The following USP10 variants were observed in gnomAD, a reference collection of about 807,000 sequenced individuals.
USP10 encodes ubiquitin carboxyl-terminal hydrolase 10.
USP10 carries 22 observed loss-of-function variants against 84.5 expected under a neutral mutation model. The ratio of observed to expected loss-of-function variants is 0.26; its 90% CI spans 0.19 to 0.37. The LOEUF (loss-of-function observed/expected upper bound fraction) is 0.37. Ranked by LOEUF, USP10 falls within the 10% of genes least tolerant of loss-of-function variation. The pLI is 1.00. For missense variants in USP10, 1,019 were observed against 998.9 expected (o/e 1.02, Z -0.27); for synonymous variants, 454 against 387.6 (o/e 1.17, Z -2.01).
At chr16:84,716,728 C>T (rs1001923270) in intron 1 of USP10, among the ~76,000 whole-genome samples, 7 of 151,972 alleles carry the variant, frequency 4.6e-5, no homozygotes, top group Non-Finnish European at 2.9e-5. Context: ...GCACGACCTT[C>T]GGCAAGGTTG....
At chr16:84,721,733 C>G (rs1450212467) in intron 1 of USP10, among the ~76,000 whole-genome samples, 4 of 151,980 alleles carry the variant, frequency 2.6e-5, no homozygotes, top group Non-Finnish European at 5.9e-5. Flanking sequence ...GAGTCTTGCT[C>G]TGTTGCCAGG....
intron 4 of USP10, among the ~76,000 whole-genome samples, chr16:84,749,825 C>T (rs773803729): frequency 2.0e-5 from 3 of 152,084 alleles, no homozygotes; most frequent in Non-Finnish European, 4.4e-5. Flanking sequence ...TCCACTTTAA[C>T]GGGTTCTACT....
chr16:84,745,865 C>G (rs573843199), intron 4 of USP10, among the ~76,000 whole-genome samples, 192 bp downstream of exon 4: 1 of 152,106 alleles, frequency 6.6e-6, no homozygotes, highest in South Asian at 2.1e-4. Flanking sequence ...AGAGGGTTGT[C>G]GTAACTTTAT....
intron 13 of USP10, among the ~76,000 whole-genome samples, chr16:84,778,363 G>A (rs186294314): frequency 3.9e-5 from 6 of 152,144 alleles, no homozygotes; most frequent in African/African-American, 1.4e-4. Context: ...GCGTATTCCC[G>A]CATCACCATT....
rs184943699 is a variant in USP10, at chr16:84,742,661, G to A, written c.152-1972G>A. Among the ~76,000 whole-genome samples the A allele has an allele frequency of 1.0e-3, 153 of 152,302 alleles. 1 individual carries two copies. Among genetic ancestry groups the A allele is most frequent in the African/African-American group, 3.3e-3 (137 of 41,566 alleles). On this transcript the variant is annotated intron_variant, in intron 3 of 13. Coordinates refer to ENST00000219473, the MANE Select transcript of USP10 (RefSeq NM_005153.3). Reference sequence around the variant, plus strand: ...TGAAGCCAAGCGTGCAGGCCGTCCTGCACTTCGTCTGCCTGGCACATTGGG... The same window carrying A: ...TGAAGCCAAGCGTGCAGGCCGTCCTACACTTCGTCTGCCTGGCACATTGGG...
rs574327082 is a variant in USP10, at chr16:84,763,267, C to T, written c.1654+179C>T. 5.8e-4 allele frequency among the ~76,000 whole-genome samples: 88 copies of T among 152,142 alleles called. 1 individual carries two copies. The highest frequency in any genetic ancestry group is 3.4e-3 in the Middle Eastern group (1 of 294). The stretch of plus-strand genomic sequence containing the variant: ...TATTTAGGTAAATTACAGTTTATCC[C>T]GAACCTCTGCCATTTTCCTTTAACT... On this transcript the variant is annotated intron_variant, in intron 9 of 13. Transcript: ENST00000219473.
At chr16:84,700,341 G>T (rs1372557181) in intron 1 of USP10, among the ~76,000 whole-genome samples, 1 of 152,026 alleles carries the variant, frequency 6.6e-6, no homozygotes, top group Non-Finnish European at 1.5e-5. Flanking sequence ...CGAAGGGCGG[G>T]GGCTCCGGGC....
At chr16:84,707,336 A>G (rs1043298173) in intron 1 of USP10, among the ~76,000 whole-genome samples, 1 of 152,234 alleles carries the variant, frequency 6.6e-6, no homozygotes, top group Non-Finnish European at 1.5e-5. Context: ...GTTACTATTC[A>G]CTAAAGTTTG....
intron 1 of USP10, among the ~76,000 whole-genome samples, chr16:84,731,803 A>C (rs1909276864): frequency 6.6e-6 from 1 of 151,612 alleles, no homozygotes; most frequent in South Asian, 2.1e-4. Context: ...GTCTGTGCTA[A>C]TTTTTTCTGC....
At chr16:84,719,071 C>T (rs1428331881) in intron 1 of USP10, among the ~76,000 whole-genome samples, 4 of 152,078 alleles carry the variant, frequency 2.6e-5, no homozygotes, top group Admixed American at 6.6e-5. Flanking sequence ...GGATTACAGG[C>T]ATGAGCCACC....
intron 1 of USP10, among the ~76,000 whole-genome samples, chr16:84,729,013 G>A (rs367693313): frequency 2.6e-5 from 4 of 151,942 alleles, no homozygotes; most frequent in African/African-American, 9.7e-5. Flanking sequence ...GGCTGGGCTG[G>A]TCTTGAACTC....
At chr16:84,756,686 G>GC (rs1345502657) in intron 4 of USP10, among the ~76,000 whole-genome samples, 1 of 152,168 alleles carries the variant, frequency 6.6e-6, no homozygotes, top group Non-Finnish European at 1.5e-5. Flanking sequence ...AAATACTATG[G>GC]CAAAGCCTTG....
intron 1 of USP10, among the ~76,000 whole-genome samples, chr16:84,701,937 CTTTTTTT>C (rs575487855): frequency 4.8e-5 from 6 of 124,584 alleles, no homozygotes; most frequent in African/African-American, 1.8e-4. Context: ...TTTTCTTCTT[CTTTTTTT>C]TTTTTTTTTT....
At chr16:84,770,511 A>C (rs1048298519) in intron 11 of USP10, among the ~76,000 whole-genome samples, 1 of 152,098 alleles carries the variant, frequency 6.6e-6, no homozygotes, top group African/African-American at 2.4e-5. Flanking sequence ...GGTGGCTCAC[A>C]CCTGTAATCC....
At chr16:84,761,605 G>C (rs892493758) in intron 8 of USP10, among the ~76,000 whole-genome samples, 1 of 152,254 alleles carries the variant, frequency 6.6e-6, no homozygotes, top group Non-Finnish European at 1.5e-5. Context: ...AACCAGGGAA[G>C]GTCATTACAG....
chr16:84,758,830 G>T (rs756505144), intron 5 of USP10, 23 bp downstream of exon 5: 1 of 1,555,024 alleles, frequency 6.4e-7, no homozygotes, highest in Middle Eastern at 1.7e-4. Flanking sequence ...GACGCCGTCC[G>T]CAAGGCCAGC....
intron 1 of USP10, among the ~76,000 whole-genome samples, chr16:84,710,824 C>T (rs183450274): frequency 1.3e-5 from 2 of 152,216 alleles, no homozygotes; most frequent in South Asian, 4.2e-4. Context: ...GTGAGCAGGT[C>T]CCCAGGCCGT....
chr16:84,700,643 A>G (rs1355196064), intron 1 of USP10, among the ~76,000 whole-genome samples: 1 of 152,110 alleles, frequency 6.6e-6, no homozygotes, highest in Non-Finnish European at 1.5e-5. Context: ...TGTTTTTTAG[A>G]TAGAAGTAGC....
rs1341465670 is a variant in USP10 at position 84,771,121 on chromosome 16, A to G, written c.1999-1420A>G. Reference sequence around the variant, plus strand: ...CATCAAAGACTTTGTAAGTACAGAGAATGATAAAGGGATTGTTATTTGTAA... The same window carrying G: ...CATCAAAGACTTTGTAAGTACAGAGGATGATAAAGGGATTGTTATTTGTAA... On this transcript the variant is annotated intron_variant, in intron 11 of 13. Transcript: ENST00000219473. Among the ~76,000 whole-genome samples the G allele has an allele frequency of 2.0e-5, 3 of 152,176 alleles. No homozygotes were observed. The South Asian group carries it at 6.2e-4, about 32-fold the overall frequency.
Sources: gnomAD v4.1 joint callset for allele counts (sites outside exome capture counted in the v4.1 genomes callset) on GRCh38, gnomAD v4.1.1 for gene constraint, MANE v1.5 for transcripts, NCBI Gene and HGNC (gene_info 2026-07-23, HGNC 2026-07-21) for gene names.